Variants in EIF2B3 observed in about 807,000 individuals in gnomAD.
EIF2B3 encodes eukaryotic translation initiation factor 2B subunit gamma, also known as translation initiation factor eIF2B subunit gamma.
Under a neutral mutation model 54.1 loss-of-function variants are expected in EIF2B3, and 20 were observed. That is an observed-to-expected ratio of 0.37 (90% CI 0.26 to 0.54). The LOEUF is 0.54. EIF2B3 is among the 20% of genes least tolerant of loss of function. The pLI is 0.86. For missense variants in EIF2B3, 448 were observed against 547.8 expected (o/e 0.82, Z 1.82); for synonymous variants, 153 against 188.1 (o/e 0.81, Z 1.52).
chr1:44,929,685 T>C (rs541254112), intron 4 of EIF2B3, among the ~76,000 whole-genome samples: 2 of 152,276 alleles, frequency 1.3e-5, no homozygotes, highest in Non-Finnish European at 2.9e-5. Context: ...AACACGGAGA[T>C]GTTATTTTTG....
intron 3 of EIF2B3, among the ~76,000 whole-genome samples, chr1:44,976,905 G>T (rs540158556): frequency 7.2e-5 from 11 of 152,244 alleles, no homozygotes; most frequent in African/African-American, 2.4e-4. Flanking sequence ...CTAGAAAGAA[G>T]CACAAAGGAA....
chr1:44,905,172 C>T (rs1229486977), intron 5 of EIF2B3, among the ~76,000 whole-genome samples: 2 of 152,148 alleles, frequency 1.3e-5, no homozygotes, highest in Non-Finnish European at 2.9e-5. Context: ...AGTTATCAAA[C>T]TAGAGGTCTG....
At chr1:44,863,265 G>C (rs1475703393) in intron 10 of EIF2B3, 2 of 152,168 alleles carry the variant, frequency 1.3e-5, no homozygotes, top group African/African-American at 4.8e-5. Context: ...GAAAGATTAT[G>C]GCTGAGTCAC....
chr1:44,879,891 T>C lies in EIF2B3; in HGVS notation c.902A>G (p.Tyr301Cys). The change falls in exon 8 of 12, where the codon TAT (tyrosine) becomes TGT (cysteine). Residue 301 changes from tyrosine (Y) to cysteine (C), a missense_variant. Transcript: ENST00000360403. Reference sequence around the variant, plus strand: ...GAGCCCCTCTTTCATGATGTGGACATAGCAGCGCACCTGTGATCTGGACAA... The same window carrying C: ...GAGCCCCTCTTTCATGATGTGGACACAGCAGCGCACCTGTGATCTGGACAA... ...EDLSRSQVRC[Y>C]VHIMKEGLCS... is the part of the protein sequence containing the mutation. 6.2e-7 allele frequency: 1 copy of C among 1,614,178 alleles called. No homozygotes were observed. Among genetic ancestry groups the C allele is most frequent in the Non-Finnish European group, 8.5e-7 (1 of 1,180,038 alleles).
chr1:44,892,337 T>C (rs1655823287), intron 6 of EIF2B3, among the ~76,000 whole-genome samples: 1 of 152,076 alleles, frequency 6.6e-6, no homozygotes, highest in Admixed American at 6.6e-5. Context: ...CCCAGCTCTT[T>C]GGGAGGCCTA....
In EIF2B3 at chr1:44,959,517, T is replaced by C. The variant is rs977954606; in HGVS notation, c.295-17852A>G. The stretch of plus-strand genomic sequence containing the variant: ...AAGATCATGCCACTGCACTCCAGCC[T>C]GGGCAACAGAGTGAGACCCTATTTC... On this transcript the variant is annotated intron_variant, in intron 3 of 11. Transcript: ENST00000360403. 17 of 216,012 alleles carry C rather than the reference T, an allele frequency of 7.9e-5. No individual in the cohort carries two copies. The Admixed American group carries it at 8.6e-4, about 11-fold the overall frequency. 13.4% of individuals were successfully genotyped at this position (216,012 alleles called of 1,614,324 possible). A position where few individuals can be genotyped will look rare whatever the true frequency, so the allele number is the denominator to read the frequency against.
chr1:44,971,680 C>G (rs992088365), intron 3 of EIF2B3, among the ~76,000 whole-genome samples: 1 of 152,190 alleles, frequency 6.6e-6, no homozygotes, highest in African/African-American at 2.4e-5. Context: ...ATCCCAAGCT[C>G]TTTGCAAATC....
At chr1:44,869,791 A>T (rs957230365) in intron 10 of EIF2B3, among the ~76,000 whole-genome samples, 11 of 151,774 alleles carry the variant, frequency 7.2e-5, no homozygotes, top group African/African-American at 2.4e-4. Context: ...TTAAGAGACT[A>T]ATTAAAGTGA....
intron 3 of EIF2B3, among the ~76,000 whole-genome samples, chr1:44,969,227 T>G (rs1166049030): frequency 1.3e-5 from 2 of 152,172 alleles, no homozygotes; most frequent in Non-Finnish European, 2.9e-5. Context: ...GTTCAACTAC[T>G]AATTTACAGA....
intron 3 of EIF2B3, among the ~76,000 whole-genome samples, chr1:44,965,634 C>CTTTTTTTTTTTT (rs386366856): frequency 1.2e-4 from 12 of 102,400 alleles, no homozygotes; most frequent in African/African-American, 4.7e-4. Context: ...ACAAATGCAT[C>CTTTTTTTTTTTT]TTTTTTTTTT....
At chr1:44,865,389 T>C (rs1025665597) in intron 10 of EIF2B3, among the ~76,000 whole-genome samples, 1 of 152,164 alleles carries the variant, frequency 6.6e-6, no homozygotes, top group Admixed American at 6.5e-5. Flanking sequence ...AATCTTGGTG[T>C]TCTCTTTGGA....
At chr1:44,867,754 G>A (rs1338953778) in intron 10 of EIF2B3, among the ~76,000 whole-genome samples, 1 of 151,354 alleles carries the variant, frequency 6.6e-6, no homozygotes, top group Non-Finnish European at 1.5e-5. Context: ...TTGGGTAATT[G>A]CTAATGGCCT....
chr1:44,960,244 G>A (rs1569846000), intron 3 of EIF2B3, among the ~76,000 whole-genome samples: 1 of 152,120 alleles, frequency 6.6e-6, no homozygotes, highest in South Asian at 2.1e-4. Flanking sequence ...TGCAGGTACT[G>A]CATCTGCAGA....
Sources: allele counts gnomAD v4.1 joint callset (sites outside exome capture counted in the v4.1 genomes callset), GRCh38; gene constraint gnomAD v4.1.1; transcripts MANE v1.5; gene names NCBI Gene and HGNC (gene_info 2026-07-23, HGNC 2026-07-21).